ANKRD6: variants seen among roughly 807,000 people sequenced by gnomAD.
ANKRD6 encodes the protein ankyrin repeat domain 6.
ANKRD6 carries 56 observed loss-of-function variants against 82.3 expected under a neutral mutation model. That is an observed-to-expected ratio of 0.68 (90% confidence interval 0.55 to 0.85). ANKRD6 has a LOEUF of 0.85. Ranked by LOEUF, ANKRD6 falls within the 40% of genes least tolerant of loss-of-function variation. The pLI is 0.00. For synonymous variants in ANKRD6, 347 were observed against 352.1 expected (o/e 0.99, Z 0.16); for missense variants, 852 against 907.6 (o/e 0.94, Z 0.79).
At chr6:89,463,868 A>T in intron 1 of ANKRD6, among the ~76,000 whole-genome samples, 1 of 152,132 alleles carries the variant, frequency 6.6e-6, no homozygotes, top group East Asian at 1.9e-4. Context: ...TTATTTTATA[A>T]AAAAAAGCAA....
intron 1 of ANKRD6, among the ~76,000 whole-genome samples, chr6:89,466,077 A>G (rs1360151787): frequency 6.6e-6 from 1 of 152,156 alleles, no homozygotes; most frequent in South Asian, 2.1e-4. Flanking sequence ...TTTTTTGTAT[A>G]CACAGTGGAC....
Position 89,567,099 on chromosome 6 carries a change from A to T in ANKRD6, c.120+3A>T, listed in dbSNP as rs1788689764. The T allele has an allele frequency of 6.3e-6, 10 of 1,584,988 alleles. No homozygotes were observed. The highest frequency in any genetic ancestry group is 8.6e-6 in the Non-Finnish European group (10 of 1,164,838). On this transcript the variant is annotated splice_donor_region_variant and intron_variant, in intron 2 of 15. Coordinates refer to ENST00000339746, the MANE Select transcript of ANKRD6 (RefSeq NM_001242809.2). The stretch of plus-strand genomic sequence containing the variant: ...GCGCCAGGGTAGCGGTTACCAAGGT[A>T]ACAAGAGAAAAATACGCTGTAGCCA...
intron 1 of ANKRD6, among the ~76,000 whole-genome samples, chr6:89,490,092 A>G (rs1777840299): frequency 6.6e-6 from 1 of 152,236 alleles, no homozygotes; most frequent in Non-Finnish European, 1.5e-5. Context: ...CCTTGCATTT[A>G]CATGGGCATT....
chr6:89,555,580 C>T (rs931302296), intron 1 of ANKRD6, among the ~76,000 whole-genome samples: 13 of 152,030 alleles, frequency 8.6e-5, no homozygotes, highest in African/African-American at 2.2e-4. Flanking sequence ...AAGAGGAGGA[C>T]GCCTTTGAAT....
At chr6:89,544,198 G>A (rs1784760421) in intron 1 of ANKRD6, among the ~76,000 whole-genome samples, 1 of 152,030 alleles carries the variant, frequency 6.6e-6, no homozygotes, top group Non-Finnish European at 1.5e-5. Context: ...TCAATATTCT[G>A]CCAAGGCAGT....
At chr6:89,587,772 C>T (rs1041839615) in intron 2 of ANKRD6, among the ~76,000 whole-genome samples, 1 of 152,128 alleles carries the variant, frequency 6.6e-6, no homozygotes, top group African/African-American at 2.4e-5. Flanking sequence ...TATTCCCTTG[C>T]CGTTTCTTGT....
chr6:89,569,978 C>T, intron 2 of ANKRD6, among the ~76,000 whole-genome samples: 1 of 151,934 alleles, frequency 6.6e-6, no homozygotes, highest in East Asian at 1.9e-4. Flanking sequence ...TATGTTCTAC[C>T]ACCTGATTCA....
chr6:89,470,115 A>G (rs189403028), intron 1 of ANKRD6, among the ~76,000 whole-genome samples: 1 of 152,198 alleles, frequency 6.6e-6, no homozygotes, highest in African/African-American at 2.4e-5. Flanking sequence ...TTCACTAAAC[A>G]TCCTCTCTCA....
intron 1 of ANKRD6, among the ~76,000 whole-genome samples, chr6:89,526,945 G>C (rs1234698196): frequency 6.6e-6 from 1 of 152,216 alleles, no homozygotes; most frequent in African/African-American, 2.4e-5. Flanking sequence ...CAGGTTGGAT[G>C]ATGCTCACCT....
chr6:89,462,647 T>C (rs1774326095), intron 1 of ANKRD6, among the ~76,000 whole-genome samples: 1 of 152,212 alleles, frequency 6.6e-6, no homozygotes, highest in South Asian at 2.1e-4. Flanking sequence ...CTGTTCTGTC[T>C]TTCATATTTA....
At chr6:89,463,814 G>C (rs1774498548) in intron 1 of ANKRD6, among the ~76,000 whole-genome samples, 1 of 152,136 alleles carries the variant, frequency 6.6e-6, no homozygotes, top group African/African-American at 2.4e-5. Context: ...GCCTCCCAAA[G>C]TGCTGGGAAT....
Position 89,545,064 on chromosome 6 carries a change from T to C in ANKRD6, c.-143-21770T>C, listed in dbSNP as rs138617962. 8.3e-3 allele frequency among the ~76,000 whole-genome samples: 1,253 copies of C among 151,542 alleles called. 24 individuals are homozygous for C. Among genetic ancestry groups the C allele is most frequent in the African/African-American group, 0.029 (1,209 of 41,298 alleles). Reference sequence around the variant, plus strand: ...CCGTCTCTACTAAAAATATAAAAAATTAGCAGGGCGTGGTGGCGGGCGCCT... The same window carrying C: ...CCGTCTCTACTAAAAATATAAAAAACTAGCAGGGCGTGGTGGCGGGCGCCT... On this transcript the variant is annotated intron_variant, in intron 1 of 15. Coordinates refer to ENST00000339746, the MANE Select transcript of ANKRD6 (RefSeq NM_001242809.2).
At chr6:89,593,332 T>A (rs1583561544) in intron 2 of ANKRD6, among the ~76,000 whole-genome samples, 2 of 152,192 alleles carry the variant, frequency 1.3e-5, no homozygotes, top group South Asian at 2.1e-4. Flanking sequence ...CAGATGAAGC[T>A]GGGGACCAGG....
chr6:89,622,657 G>A (rs115850595), intron 10 of ANKRD6, among the ~76,000 whole-genome samples: 3,278 of 152,300 alleles, frequency 0.022, 116 homozygotes, highest in African/African-American at 0.075. Flanking sequence ...GGTGAGCAGA[G>A]CCCGAGCTGA....
At chr6:89,466,515 C>T (rs1774867308) in intron 1 of ANKRD6, among the ~76,000 whole-genome samples, 1 of 152,110 alleles carries the variant, frequency 6.6e-6, no homozygotes, top group Non-Finnish European at 1.5e-5. Context: ...TAGATAAAAA[C>T]ATTTTATCTT....
chr6:89,621,762 G>A (rs1484311100), intron 9 of ANKRD6, 160 bp from the exon 10 acceptor site: 1 of 682,540 alleles, frequency 1.5e-6, no homozygotes, highest in South Asian at 1.7e-5. Flanking sequence ...AGACCTAGGA[G>A]GATGGTAGGT....
At position 89,437,230 on chromosome 6, in the gene ANKRD6, A is replaced by G. The variant is rs374280397; in HGVS notation, c.-144+3855A>G. Reference sequence around the variant, plus strand: ...CCCCATAAAAGGCCCCTTTATTTGGATGTCTTATCCCATTTCAGTTCTCTG... The same window carrying G: ...CCCCATAAAAGGCCCCTTTATTTGGGTGTCTTATCCCATTTCAGTTCTCTG... On this transcript the variant is annotated intron_variant, in intron 1 of 15. Coordinates refer to ENST00000339746, the MANE Select transcript of ANKRD6 (RefSeq NM_001242809.2). 2.0e-5 allele frequency among the ~76,000 whole-genome samples: 3 copies of G among 152,188 alleles called. No individual in the cohort carries two copies. In the East Asian group the frequency reaches 5.8e-4, roughly 29 times the overall value.
chr6:89,606,440 A>T (rs1356835594), intron 5 of ANKRD6, among the ~76,000 whole-genome samples: 1 of 152,186 alleles, frequency 6.6e-6, no homozygotes, highest in Non-Finnish European at 1.5e-5. Context: ...TCAGCAAAAG[A>T]ACTTTAAAAT....
At chr6:89,488,106 C>T (rs1300050317) in intron 1 of ANKRD6, among the ~76,000 whole-genome samples, 1 of 152,162 alleles carries the variant, frequency 6.6e-6, no homozygotes, top group Non-Finnish European at 1.5e-5. Flanking sequence ...TCAATTCTCC[C>T]ACCTGTCGTC....
Sources: gnomAD v4.1 joint callset for allele counts (sites outside exome capture counted in the v4.1 genomes callset) on GRCh38, gnomAD v4.1.1 for gene constraint, MANE v1.5 for transcripts, NCBI Gene and HGNC (gene_info 2026-07-23, HGNC 2026-07-21) for gene names.